Variants in TRPM3 observed in about 807,000 individuals in gnomAD.
TRPM3 encodes the protein transient receptor potential cation channel subfamily M member 3, also known as long transient receptor potential channel 3.
TRPM3 carries 77 observed loss-of-function variants against 181.2 expected under a neutral mutation model. The observed-to-expected ratio is 0.42, with a 90% CI of 0.35 to 0.51. The LOEUF is 0.51. Ranked by LOEUF, TRPM3 falls within the 20% of genes least tolerant of loss-of-function variation. The probability of loss-of-function intolerance (pLI) is 0.01; values close to 1 mark genes in which losing one functional copy is unlikely to be tolerated. For synonymous variants in TRPM3, 745 were observed against 796.4 expected (o/e 0.94, Z 1.09); for missense variants, 1,759 against 2,196.7 (o/e 0.80, Z 3.98).
At chr9:70,901,711 T>G (rs530930495) in intron 1 of TRPM3, among the ~76,000 whole-genome samples, 1 of 152,168 alleles carries the variant, frequency 6.6e-6, no homozygotes, top group Non-Finnish European at 1.5e-5. Context: ...CTTTGAAAAT[T>G]TGAAGCATCT....
At position 71,265,287 on chromosome 9, in the gene TRPM3, T is replaced by C. The variant is rs540569974; in HGVS notation, c.183+181366A>G. ...GCCTAGATGTCCCATAGTAGCCAAA[T>C]AGACTATCTGAATATAAGTTACCTT... is the stretch of plus-strand genomic sequence containing the variant. On this transcript the variant is annotated intron_variant, in intron 1 of 24. Coordinates refer to the TRPM3 transcript ENST00000357533. Among the ~76,000 whole-genome samples, 32 of 152,352 alleles carry C rather than the reference T, an allele frequency of 2.1e-4. No homozygotes were observed. The South Asian group carries it at 5.2e-3, about 25-fold the overall frequency.
intron 1 of TRPM3, among the ~76,000 whole-genome samples, chr9:71,046,221 G>A (rs551615227): frequency 8.5e-5 from 13 of 152,100 alleles, no homozygotes; most frequent in African/African-American, 2.7e-4. Flanking sequence ...TCCTAACCTC[G>A]TGATCCACCA....
In TRPM3 at chr9:70,553,022, T is replaced by C; in HGVS notation, c.3396A>G (p.Lys1132=). 1 of 1,614,116 alleles carries C rather than the reference T, an allele frequency of 6.2e-7. No homozygotes were observed. Among genetic ancestry groups the C allele is most frequent in the South Asian group, 1.1e-5 (1 of 91,074 alleles). ...AVFNNTFFEV[K]SISNQVWKFQ... is the part of the protein sequence containing the mutation. ...ACTTCCAGACTTGGTTGGATATCGA[T>C]TTTACTTCAAAAAATGTATTGCTAA... The change falls in exon 24 of 26, where the codon AAA becomes AAG. Residue 1132 remains lysine (K), a synonymous_variant. Transcript: ENST00000677713.
chr9:70,773,476 C>A (rs2130632999), intron 7 of TRPM3, among the ~76,000 whole-genome samples: 1 of 152,194 alleles, frequency 6.6e-6, no homozygotes, highest in Non-Finnish European at 1.5e-5. Flanking sequence ...GGGAGAGGGT[C>A]AGAGGTGTGG....
chr9:70,991,000 T>G (rs1453888239), intron 1 of TRPM3, among the ~76,000 whole-genome samples: 1 of 152,226 alleles, frequency 6.6e-6, no homozygotes, highest in Non-Finnish European at 1.5e-5. Context: ...TTTTGGAAGT[T>G]AATATGTGTT....
At chr9:71,272,922 T>C (rs1048083410) in intron 1 of TRPM3, among the ~76,000 whole-genome samples, 1 of 150,828 alleles carries the variant, frequency 6.6e-6, no homozygotes, top group African/African-American at 2.5e-5. Flanking sequence ...TTCCACAGGG[T>C]GGAGTGCAGT....
intron 1 of TRPM3, among the ~76,000 whole-genome samples, chr9:71,429,285 A>AT (rs1315599688): frequency 2.6e-5 from 4 of 152,198 alleles, no homozygotes; most frequent in African/African-American, 9.6e-5. Flanking sequence ...ATTGCCCTAC[A>AT]TTTTTTTCTA....
chr9:70,594,263 G>A (rs534963837), intron 21 of TRPM3, among the ~76,000 whole-genome samples: 6 of 152,206 alleles, frequency 3.9e-5, no homozygotes, highest in Non-Finnish European at 8.8e-5. Context: ...GTGAAACAAT[G>A]TGGTAAGTTC....
intron 1 of TRPM3, among the ~76,000 whole-genome samples, chr9:71,330,065 G>A (rs1281038214): frequency 6.7e-6 from 1 of 148,958 alleles, no homozygotes; most frequent in Admixed American, 6.7e-5. Flanking sequence ...TCACAGTCTG[G>A]TAGCAGCTGC....
chr9:71,239,761 T>G (rs566552429), intron 1 of TRPM3, among the ~76,000 whole-genome samples: 32 of 152,250 alleles, frequency 2.1e-4, no homozygotes, highest in Non-Finnish European at 4.0e-4. Context: ...TAAATGGGCT[T>G]TCTTTTTTGT....
chr9:70,550,064 C>T (rs567136472), intron 24 of TRPM3, among the ~76,000 whole-genome samples: 1 of 152,240 alleles, frequency 6.6e-6, no homozygotes, highest in African/African-American at 2.4e-5. Flanking sequence ...TTACTAAAAG[C>T]CCTTTTGCAA....
At chr9:71,162,037 A>G (rs1469639487) in intron 1 of TRPM3, among the ~76,000 whole-genome samples, 1 of 151,848 alleles carries the variant, frequency 6.6e-6, no homozygotes, top group East Asian at 1.9e-4. Flanking sequence ...CCCCGTCTCT[A>G]CTAAAATAAA....
At chr9:71,002,923 T>C (rs1250712576) in intron 1 of TRPM3, among the ~76,000 whole-genome samples, 3 of 152,156 alleles carry the variant, frequency 2.0e-5, no homozygotes, top group Non-Finnish European at 4.4e-5. Flanking sequence ...ATATTCATAT[T>C]TTCCAAAAAG....
At chr9:71,052,258 G>A (rs1257526060) in intron 1 of TRPM3, among the ~76,000 whole-genome samples, 1 of 152,132 alleles carries the variant, frequency 6.6e-6, no homozygotes, top group Non-Finnish European at 1.5e-5. Context: ...GTTTGTCGAA[G>A]GCTATTATAA....
intron 8 of TRPM3, among the ~76,000 whole-genome samples, chr9:70,755,871 A>T (rs182479173): frequency 9.9e-5 from 15 of 152,204 alleles, no homozygotes; most frequent in African/African-American, 3.1e-4. Flanking sequence ...GCAAAAACAT[A>T]CCAAATTGTA....
At chr9:71,065,139 C>A (rs2061761011) in intron 1 of TRPM3, among the ~76,000 whole-genome samples, 1 of 152,050 alleles carries the variant, frequency 6.6e-6, no homozygotes, top group Non-Finnish European at 1.5e-5. Context: ...TTGTCCAAAT[C>A]TCTGTACAAT....
chr9:70,638,165 A>G (rs940508950), intron 11 of TRPM3, among the ~76,000 whole-genome samples: 2 of 152,096 alleles, frequency 1.3e-5, no homozygotes, highest in African/African-American at 4.8e-5. Context: ...TTGTGAGGAC[A>G]CAGCATTTGT....
At position 70,536,990 on chromosome 9, in the gene TRPM3, T is replaced by C. The variant is rs1170745129; in HGVS notation, c.4123A>G (p.Ser1375Gly). The C allele has an allele frequency of 1.1e-5, 17 of 1,610,930 alleles. No homozygotes were observed. Among genetic ancestry groups the C allele is most frequent in the Admixed American group, 1.7e-5 (1 of 59,914 alleles). ...TGGGAACTAGTAGCCCGGTGTAGGC[T>C]CAGGGACCTTTCTTTAAAAATACTT... ...LESIFKERSL[S>G]LHRATSSHSV... The change falls in exon 26 of 26, where the codon AGC becomes GGC. Residue 1375 changes from serine (S) to glycine (G), a missense_variant. Around this residue, in one of 8 missense-constraint regions of TRPM3, gnomAD observed 612 missense variants for 590.0 expected, o/e 1.04. Transcript: ENST00000677713.
At chr9:70,900,369 A>C (rs1168246225) in intron 1 of TRPM3, among the ~76,000 whole-genome samples, 2 of 151,656 alleles carry the variant, frequency 1.3e-5, no homozygotes, top group African/African-American at 4.8e-5. Flanking sequence ...ACAAACAAAC[A>C]ACAAAAAAAA....
Sources: allele counts gnomAD v4.1 joint callset (sites outside exome capture counted in the v4.1 genomes callset), GRCh38; gene constraint gnomAD v4.1.1; regional missense constraint gnomAD v4.1.1; transcripts MANE v1.5; gene names NCBI Gene and HGNC (gene_info 2026-07-23, HGNC 2026-07-21).